The following TMEM132B variants were observed in gnomAD, a reference collection of about 807,000 sequenced individuals.
The protein encoded by TMEM132B is transmembrane protein 132B.
A neutral mutation model predicts 90.8 loss-of-function variants in TMEM132B; 18 were observed. The observed-to-expected ratio is 0.20, with a 90% CI of 0.14 to 0.29. The LOEUF (loss-of-function observed/expected upper bound fraction) is 0.29, where lower values mean the gene tolerates loss of function less well. Ranked by LOEUF, TMEM132B falls within the 10% of genes least tolerant of loss-of-function variation. The pLI is 1.00. For synonymous variants in TMEM132B, 504 were observed against 523.3 expected (o/e 0.96, Z 0.50); for missense variants, 1,096 against 1,326.8 (o/e 0.83, Z 2.70).
intron 3 of TMEM132B, among the ~76,000 whole-genome samples, chr12:125,427,896 G>C (rs1364922561): frequency 6.6e-6 from 1 of 152,184 alleles, no homozygotes; most frequent in Non-Finnish European, 1.5e-5. Flanking sequence ...TAGGTCTGCT[G>C]GCATGATGAC....
At chr12:125,252,782 C>T (rs12818316) in intron 1 of TMEM132B, among the ~76,000 whole-genome samples, 35,561 of 152,016 alleles carry the variant, frequency 0.23, 5,261 homozygotes, top group East Asian at 0.4. Context: ...TCAGTACCCA[C>T]AGTTCCTCCC....
chr12:125,649,294 T>C (rs1274179302), intron 6 of TMEM132B, among the ~76,000 whole-genome samples: 1 of 152,252 alleles, frequency 6.6e-6, no homozygotes, highest in African/African-American at 2.4e-5. Flanking sequence ...CTATCTGGGC[T>C]ACATATTCAC....
chr12:125,283,698 C>T (rs75880591), intron 1 of TMEM132B, among the ~76,000 whole-genome samples: 509 of 152,342 alleles, frequency 3.3e-3, no homozygotes, highest in African/African-American at 8.1e-3. Flanking sequence ...TCCTGTAATG[C>T]GTCTTGTCTG....
chr12:125,270,142 GTGTGT>G (rs1184216291), intron 1 of TMEM132B, among the ~76,000 whole-genome samples: 2 of 151,586 alleles, frequency 1.3e-5, no homozygotes, highest in African/African-American at 4.9e-5. Flanking sequence ...GTGTGTGTGT[GTGTGT>G]GTTTTAAGAG....
In TMEM132B at chr12:125,305,694, ACCT is replaced by A. The variant is rs550194544; in HGVS notation, c.68-43754_68-43752del. Among the ~76,000 whole-genome samples, 615 of 152,142 alleles carry A rather than the reference ACCT, an allele frequency of 4.0e-3. 3 individuals carry two copies. The highest frequency in any genetic ancestry group is 0.014 in the African/African-American group (583 of 41,494). On this transcript the variant is annotated intron_variant, in intron 1 of 8. Transcript: ENST00000682704. Reference sequence around the variant, plus strand: ...CATGCTTTGTGGGATGGCAAAGAAAACCTCCTAACACTTTGCTGTGATTTATTA... The same window carrying A: ...CATGCTTTGTGGGATGGCAAAGAAAACCTAACACTTTGCTGTGATTTATTA...
chr12:125,315,355 C>T (rs954420532), intron 1 of TMEM132B, among the ~76,000 whole-genome samples: 4 of 152,310 alleles, frequency 2.6e-5, no homozygotes, highest in South Asian at 2.1e-4. Context: ...CCCACCACCA[C>T]GTCTGGCTGA....
intron 3 of TMEM132B, among the ~76,000 whole-genome samples, chr12:125,433,018 C>G (rs936604753): frequency 6.6e-6 from 1 of 152,198 alleles, no homozygotes; most frequent in South Asian, 2.1e-4. Context: ...TTTCCTTAAG[C>G]AGCACCTGCA....
intron 5 of TMEM132B, chr12:125,585,950 C>T (rs1340161394): frequency 1.3e-5 from 2 of 152,082 alleles, no homozygotes; most frequent in East Asian, 1.9e-4. Flanking sequence ...TCAATTGAGG[C>T]GATTTAATTA....
intron 3 of TMEM132B, among the ~76,000 whole-genome samples, chr12:125,455,273 T>C (rs1211671093): frequency 6.6e-6 from 1 of 152,038 alleles, no homozygotes; most frequent in Non-Finnish European, 1.5e-5. Context: ...CGTAAAGTAC[T>C]AGTGGTGAAT....
chr12:125,626,882 A>G (rs1886246067), intron 5 of TMEM132B, among the ~76,000 whole-genome samples: 1 of 151,954 alleles, frequency 6.6e-6, no homozygotes, highest in Non-Finnish European at 1.5e-5. Context: ...TTTTTCAAAT[A>G]TTTTTTGAGC....
At chr12:125,265,471 G>A (rs907492306) in intron 1 of TMEM132B, among the ~76,000 whole-genome samples, 8 of 152,186 alleles carry the variant, frequency 5.3e-5, no homozygotes, top group South Asian at 2.1e-4. Context: ...TCTCTTTGCC[G>A]TACTCATCGA....
At chr12:125,188,851 G>GC (rs1957776786) in intron 1 of TMEM132B, among the ~76,000 whole-genome samples, 10 of 9,928 alleles carry the variant, frequency 1.0e-3, no homozygotes, top group Non-Finnish European at 2.0e-4. Context: ...AGGAGGGATG[G>GC]CAAAAAAAAA....
Position 125,277,049 on chromosome 12 carries a change from A to C in TMEM132B, c.68-72403A>C, listed in dbSNP as rs1320317575. 6.6e-6 allele frequency among the ~76,000 whole-genome samples: 1 copy of C among 152,216 alleles called. No homozygotes were observed. Among genetic ancestry groups the C allele is most frequent in the African/African-American group, 2.4e-5 (1 of 41,452 alleles). On this transcript the variant is annotated intron_variant, in intron 1 of 8. Transcript: ENST00000682704. This position sits in a 1 kb window ranked among gnomAD's most constrained non-coding sequence, Gnocchi z 4.3. ...ACCGTGGGTTGAATTATGTCCACCA[A>C]AACATATGTCCAAGTCCTAACCACT... is the stretch of plus-strand genomic sequence containing the variant.
At chr12:125,483,557 C>T (rs781699604) in intron 3 of TMEM132B, among the ~76,000 whole-genome samples, 4 of 152,124 alleles carry the variant, frequency 2.6e-5, no homozygotes, top group Admixed American at 6.5e-5. Flanking sequence ...TTCCTGTTAG[C>T]TGAGGATGGG....
In TMEM132B at chr12:125,406,206, G is replaced by C. The variant is rs1879471952; in HGVS notation, c.960-9325G>C. Among the ~76,000 whole-genome samples, 1 of 152,152 alleles carries C rather than the reference G, an allele frequency of 6.6e-6. No individual in the cohort carries two copies. The highest frequency in any genetic ancestry group is 2.4e-5 in the African/African-American group (1 of 41,420). On this transcript the variant is annotated intron_variant, in intron 2 of 8. Transcript: ENST00000682704. This position sits in a 1 kb window ranked among gnomAD's most constrained non-coding sequence, Gnocchi z 8.3. ...AACAGGAATCTTCTTTATCTCCTCT[G>C]GCTAAAGCAGAATGCAAAACTTCCC... is the stretch of plus-strand genomic sequence containing the variant.
At chr12:125,260,272 C>T (rs1874533311) in intron 1 of TMEM132B, among the ~76,000 whole-genome samples, 2 of 152,210 alleles carry the variant, frequency 1.3e-5, no homozygotes, top group South Asian at 4.1e-4. Flanking sequence ...TGGAGTACAT[C>T]ACTACTTGAA....
At chr12:125,334,100 C>T (rs1233432663) in intron 1 of TMEM132B, among the ~76,000 whole-genome samples, 1 of 152,046 alleles carries the variant, frequency 6.6e-6, no homozygotes, top group Non-Finnish European at 1.5e-5. Context: ...TTTTTACTTG[C>T]TATTTAAGGC....
intron 5 of TMEM132B, among the ~76,000 whole-genome samples, chr12:125,623,175 A>C (rs1380385235): frequency 1.3e-5 from 2 of 152,162 alleles, no homozygotes; most frequent in Non-Finnish European, 2.9e-5. Context: ...CATTTGATGA[A>C]TTGTAAGCCT....
intron 2 of TMEM132B, among the ~76,000 whole-genome samples, chr12:125,394,163 G>A (rs540898684): frequency 6.6e-6 from 1 of 152,298 alleles, no homozygotes; most frequent in African/African-American, 2.4e-5. Flanking sequence ...GTTCTCAGAG[G>A]ACATCAGTGA....
Sources: allele counts gnomAD v4.1 joint callset (sites outside exome capture counted in the v4.1 genomes callset), GRCh38; gene constraint gnomAD v4.1.1; non-coding constraint Gnocchi (gnomAD v3.1); transcripts MANE v1.5; gene names NCBI Gene and HGNC (gene_info 2026-07-23, HGNC 2026-07-21).